The following TAOK3 variants were observed in gnomAD, a reference collection of about 807,000 sequenced individuals.
TAOK3 encodes the protein TAO kinase 3.
Under a neutral mutation model 120.4 loss-of-function variants are expected in TAOK3, and 40 were observed. The observed-to-expected ratio is 0.33, with a 90% confidence interval of 0.26 to 0.43. TAOK3 has a LOEUF of 0.43. Among genes scored for constraint, TAOK3 ranks in the 20% least tolerant of loss-of-function variants. TAOK3 has a pLI of 1.00. For missense variants in TAOK3, 821 were observed against 1,112.1 expected, an observed-to-expected ratio of 0.74 and a Z score of 3.72; for synonymous variants, 355 against 387.5, an observed-to-expected ratio of 0.92 and a Z score of 0.99.
At chr12:118,265,909 CTTCT>C (rs2041427431) in intron 2 of TAOK3, among the ~76,000 whole-genome samples, 1 of 151,956 alleles carries the variant, frequency 6.6e-6, no homozygotes, top group Non-Finnish European at 1.5e-5. Context: ...TTTTTATTTC[CTTCT>C]TTTTGTTTCT....
chr12:118,288,126 A>C (rs979381971), intron 1 of TAOK3, among the ~76,000 whole-genome samples: 1 of 151,792 alleles, frequency 6.6e-6, no homozygotes, highest in African/African-American at 2.4e-5. Context: ...CCCTGTTTCT[A>C]CTTTGTTGCC....
intron 1 of TAOK3, among the ~76,000 whole-genome samples, chr12:118,310,309 C>T (rs1324041947): frequency 6.6e-6 from 1 of 152,094 alleles, no homozygotes; most frequent in Non-Finnish European, 1.5e-5. Context: ...AATAAATGAA[C>T]AAATAAATAA....
intron 9 of TAOK3, among the ~76,000 whole-genome samples, chr12:118,227,587 T>C (rs978290272): frequency 7.2e-5 from 11 of 152,180 alleles, no homozygotes. Context: ...CTAAGTTATC[T>C]TATTGAAGCC....
intron 1 of TAOK3, among the ~76,000 whole-genome samples, chr12:118,351,629 A>G (rs1387307917): frequency 6.6e-6 from 1 of 152,196 alleles, no homozygotes; most frequent in Non-Finnish European, 1.5e-5. Context: ...ATTTAAAAAG[A>G]TAAGAGACCG....
chr12:118,287,962 A>G (rs1298603288), intron 1 of TAOK3, among the ~76,000 whole-genome samples: 2 of 152,082 alleles, frequency 1.3e-5, no homozygotes, highest in East Asian at 3.9e-4. Context: ...AATGCCAGGC[A>G]CTGGAGATAA....
intron 5 of TAOK3, 96 bp downstream of exon 5, chr12:118,243,319 A>C: frequency 1.4e-6 from 1 of 691,808 alleles, no homozygotes; most frequent in Non-Finnish European, 2.4e-6. Context: ...TGGAACAGAA[A>C]TGAAATTAGT....
At chr12:118,330,668 GAGA>G (rs1463002954) in intron 1 of TAOK3, among the ~76,000 whole-genome samples, 4 of 142,142 alleles carry the variant, frequency 2.8e-5, no homozygotes. Context: ...GATAAAAAAC[GAGA>G]AGAAAAAGAA....
At chr12:118,189,007 C>T (rs2037253502) in intron 14 of TAOK3, among the ~76,000 whole-genome samples, 1 of 152,196 alleles carries the variant, frequency 6.6e-6, no homozygotes, top group Admixed American at 6.5e-5. Flanking sequence ...CTAACTCTTC[C>T]AGCACACACC....
At chr12:118,289,252 T>C (rs967017368) in intron 1 of TAOK3, among the ~76,000 whole-genome samples, 8 of 145,974 alleles carry the variant, frequency 5.5e-5, no homozygotes, top group African/African-American at 2.0e-4. Flanking sequence ...TGATCTGAGA[T>C]TGCGCCGCTG....
At chr12:118,212,149 C>T (rs2280711) in intron 11 of TAOK3, among the ~76,000 whole-genome samples, 28,845 of 152,088 alleles carry the variant, frequency 0.19, 2,881 homozygotes, top group African/African-American at 0.25. Flanking sequence ...CTTCTGAGTT[C>T]TTCTTAAAAA....
chr12:118,211,907 T>C (rs1196737246), intron 11 of TAOK3, among the ~76,000 whole-genome samples: 1 of 152,188 alleles, frequency 6.6e-6, no homozygotes, highest in African/African-American at 2.4e-5. Context: ...TTTGTTCTGG[T>C]TGCTATTTTC....
chr12:118,202,754 A>G (rs2038087584), intron 11 of TAOK3, among the ~76,000 whole-genome samples: 1 of 150,846 alleles, frequency 6.6e-6, no homozygotes, highest in African/African-American at 2.4e-5. Context: ...AGCAGAAGCA[A>G]TGCATAGTAT....
chr12:118,334,335 T>C (rs1227786899), intron 1 of TAOK3, among the ~76,000 whole-genome samples: 2 of 152,106 alleles, frequency 1.3e-5, no homozygotes, highest in East Asian at 3.9e-4. Flanking sequence ...ATGATGAACT[T>C]TGAGAGCATT....
intron 11 of TAOK3, among the ~76,000 whole-genome samples, chr12:118,203,510 G>T (rs1269979840): frequency 6.6e-6 from 1 of 152,012 alleles, no homozygotes; most frequent in Non-Finnish European, 1.5e-5. Context: ...TTCAAGACCA[G>T]CCTGGCCAAC....
Position 118,161,735 on chromosome 12 carries a change from A to C in TAOK3, c.2139+53T>G. The C allele has an allele frequency of 6.3e-7, 1 of 1,596,924 alleles. No individual in the cohort carries two copies. Among genetic ancestry groups the C allele is most frequent in the Non-Finnish European group, 8.6e-7 (1 of 1,168,802 alleles). ...GTTGCTCAGGTGACTCTGACACTTC[A>C]GGTAGAGAAACCACTGATCTGGTCC... On this transcript the variant is annotated intron_variant, in intron 18 of 20. Coordinates refer to ENST00000392533, the MANE Select transcript of TAOK3 (RefSeq NM_016281.4). This position sits in a 1 kb window ranked among gnomAD's most constrained non-coding sequence, Gnocchi z 4.5.
chr12:118,270,919 C>T (rs913161544), intron 1 of TAOK3, among the ~76,000 whole-genome samples: 5 of 151,932 alleles, frequency 3.3e-5, no homozygotes, highest in Admixed American at 6.6e-5. Context: ...CCTCGTGATC[C>T]GCCCGCCTCA....
chr12:118,190,700 C>T (rs2037388817), intron 13 of TAOK3: 1 of 152,232 alleles, frequency 6.6e-6, no homozygotes, highest in South Asian at 2.1e-4. Flanking sequence ...CTGATTTAAT[C>T]AAGCCCATGC....
chr12:118,186,014 G>A (rs2037052477), intron 14 of TAOK3, among the ~76,000 whole-genome samples: 1 of 152,094 alleles, frequency 6.6e-6, no homozygotes, highest in Non-Finnish European at 1.5e-5. Flanking sequence ...TACTGCTGAG[G>A]CTCTCATATT....
chr12:118,235,839 G>A (rs1420671190), intron 7 of TAOK3, 168 bp from the exon 8 acceptor site: 2 of 539,142 alleles, frequency 3.7e-6, no homozygotes, highest in Non-Finnish European at 6.6e-6. Context: ...ACTGCATGTT[G>A]TAAGGGGGCC....
Sources: gnomAD v4.1 joint callset for allele counts (sites outside exome capture counted in the v4.1 genomes callset) on GRCh38, gnomAD v4.1.1 for gene constraint, Gnocchi (gnomAD v3.1) non-coding constraint, MANE v1.5 for transcripts, NCBI Gene and HGNC (gene_info 2026-07-23, HGNC 2026-07-21) for gene names.